The following GOLT1A variants were observed in gnomAD, a reference collection of about 807,000 sequenced individuals.
GOLT1A encodes golgi transport 1A.
Under a neutral mutation model 16.1 loss-of-function variants are expected in GOLT1A, and 10 were observed. That is an observed-to-expected ratio of 0.62 (90% CI 0.38 to 1.05). The LOEUF (loss-of-function observed/expected upper bound fraction) is 1.05, where lower values mean the gene tolerates loss of function less well. GOLT1A is among the 50% of genes least tolerant of loss of function. The probability of loss-of-function intolerance (pLI) is 0.01; values close to 1 mark genes in which losing one functional copy is unlikely to be tolerated. For synonymous variants in GOLT1A, 60 were observed against 67.9 expected (o/e 0.88, Z 0.57); for missense variants, 137 against 165.7 (o/e 0.83, Z 0.95).
At chr1:204,201,607 C>G (rs1658962195) in intron 3 of GOLT1A, 26 bp downstream of exon 3, 1 of 1,612,170 alleles carries the variant, frequency 6.2e-7, no homozygotes, top group African/African-American at 1.3e-5. Context: ...GTGGGTCTGT[C>G]CAGGGTTATA....
chr1:204,210,678 G>A (rs1369998659), intron 1 of GOLT1A, among the ~76,000 whole-genome samples: 6 of 152,092 alleles, frequency 3.9e-5, no homozygotes, highest in Admixed American at 6.6e-5. Flanking sequence ...GGCCTCAAGC[G>A]ATCCTCCCAA....
At chr1:204,202,796 T>C in intron 2 of GOLT1A, 100 bp downstream of exon 2, 2 of 860,084 alleles carry the variant, frequency 2.3e-6, no homozygotes, top group Non-Finnish European at 3.9e-6. Flanking sequence ...ATTTAAAGAC[T>C]TAAATAAACT....
chr1:204,208,377 CACATATACACACATAT>C (rs1659078839), intron 1 of GOLT1A, among the ~76,000 whole-genome samples: 1 of 104,676 alleles, frequency 9.6e-6, no homozygotes, highest in Admixed American at 8.9e-5. Flanking sequence ...TGTATCTATA[CACATATACACACATAT>C]GTATACATAT....
intron 1 of GOLT1A, among the ~76,000 whole-genome samples, chr1:204,203,993 G>A (rs903000250): frequency 1.3e-5 from 2 of 152,128 alleles, no homozygotes; most frequent in Non-Finnish European, 2.9e-5. Context: ...ACATATTTCA[G>A]ATCGCTCCCC....
intron 3 of GOLT1A, among the ~76,000 whole-genome samples, chr1:204,200,299 G>GTATACATATA (rs1553233959): frequency 2.4e-5 from 2 of 82,684 alleles, no homozygotes; most frequent in Non-Finnish European, 4.7e-5. Context: ...ACATATATGT[G>GTATACATATA]TATATATATA....
At chr1:204,203,060 G>T in intron 1 of GOLT1A, 73 bp from the exon 2 acceptor site, 1 of 1,154,736 alleles carries the variant, frequency 8.7e-7, no homozygotes, top group Non-Finnish European at 1.3e-6. Flanking sequence ...TTCCCCCATT[G>T]CCACAGGACA....
chr1:204,201,550 G>C, intron 3 of GOLT1A, 83 bp downstream of exon 3: 1 of 1,404,478 alleles, frequency 7.1e-7, no homozygotes, highest in South Asian at 1.3e-5. Flanking sequence ...TAAAGTCCCA[G>C]CTTCTGCACT....
At chr1:204,199,031 C>CG (rs1441698768) in intron 4 of GOLT1A, 164 bp downstream of exon 4, 1 of 619,364 alleles carries the variant, frequency 1.6e-6, no homozygotes. Flanking sequence ...GGAGAAGGTG[C>CG]GGGGGGAAGA....
intron 1 of GOLT1A, among the ~76,000 whole-genome samples, chr1:204,208,794 T>C (rs1659094530): frequency 6.6e-6 from 1 of 151,694 alleles, no homozygotes; most frequent in Admixed American, 6.6e-5. Context: ...ATCTCAGAAA[T>C]CACACTAAAG....
chr1:204,198,377 A>C lies in GOLT1A; in HGVS notation c.*81T>G. The C allele has an allele frequency of 1.6e-6, 2 of 1,288,222 alleles. No individual in the cohort carries two copies. The highest frequency in any genetic ancestry group is 3.4e-5 in the Admixed American group (2 of 58,190). The allele number at this position is 1,288,222 out of a possible 1,614,324, so 79.8% of individuals were successfully genotyped here. On this transcript the variant is annotated 3_prime_UTR_variant, in exon 5 of 5. Transcript: ENST00000308302. ...GATATGTCGGGGAGTGAGTCAGTGC[A>C]GGGGACTGAGGGGGTGGTTCCCATT...
At chr1:204,199,826 C>T (rs1320466978) in intron 3 of GOLT1A, among the ~76,000 whole-genome samples, 1 of 152,206 alleles carries the variant, frequency 6.6e-6, no homozygotes, top group Non-Finnish European at 1.5e-5. Context: ...CCTGCCAAGG[C>T]CTGACTGCAG....
intron 1 of GOLT1A, among the ~76,000 whole-genome samples, chr1:204,205,763 A>G (rs1481719424): frequency 6.6e-6 from 1 of 152,218 alleles, no homozygotes; most frequent in East Asian, 1.9e-4. Flanking sequence ...TCTTTAAAAG[A>G]ATCATCAAAA....
At chr1:204,203,790 A>C (rs969001394) in intron 1 of GOLT1A, among the ~76,000 whole-genome samples, 2 of 147,894 alleles carry the variant, frequency 1.4e-5, no homozygotes, top group African/African-American at 5.0e-5. Context: ...ATGAGCCCCC[A>C]TTCCCAAGGT....
chr1:204,203,781 T>C (rs1258991903), intron 1 of GOLT1A, among the ~76,000 whole-genome samples: 2 of 151,224 alleles, frequency 1.3e-5, no homozygotes, highest in Non-Finnish European at 1.5e-5. Context: ...ACACTGACAA[T>C]GAGCCCCCAT....
At chr1:204,213,349 C>A (rs1659167675) in intron 1 of GOLT1A, among the ~76,000 whole-genome samples, 1 of 152,058 alleles carries the variant, frequency 6.6e-6, no homozygotes, top group African/African-American at 2.4e-5. Flanking sequence ...TTAAGTAACT[C>A]ACCCAAATGA....
intron 1 of GOLT1A, among the ~76,000 whole-genome samples, chr1:204,212,789 A>G (rs555263945): frequency 6.6e-5 from 10 of 152,278 alleles, no homozygotes; most frequent in East Asian, 5.8e-4. Context: ...ACCATGGTCT[A>G]TAAGTCTCCA....
chr1:204,213,368 G>A (rs564138259), intron 1 of GOLT1A, among the ~76,000 whole-genome samples: 21 of 145,374 alleles, frequency 1.4e-4, no homozygotes, highest in African/African-American at 4.5e-4. Context: ...GAAGCCCACA[G>A]AGCCACGGTT....
chr1:204,203,990 T>G lies in GOLT1A; in HGVS notation c.26-1003A>C, dbSNP rs112809782. On this transcript the variant is annotated intron_variant, in intron 1 of 4. Coordinates refer to ENST00000308302, the MANE Select transcript of GOLT1A (RefSeq NM_198447.2). ...TTTTTGACATTTTGATAAACATATT[T>G]CAGATCGCTCCCCTCAAGACGATTT... 7.7e-3 allele frequency among the ~76,000 whole-genome samples: 1,179 copies of G among 152,288 alleles called. 17 individuals carry two copies. The highest frequency in any genetic ancestry group is 0.027 in the African/African-American group (1,133 of 41,548).
At chr1:204,209,393 C>G (rs527455287) in intron 1 of GOLT1A, among the ~76,000 whole-genome samples, 1 of 152,300 alleles carries the variant, frequency 6.6e-6, no homozygotes, top group East Asian at 1.9e-4. Flanking sequence ...GTGTGAACAC[C>G]CTTCTCACCC....
Sources: allele counts gnomAD v4.1 joint callset (sites outside exome capture counted in the v4.1 genomes callset), GRCh38; gene constraint gnomAD v4.1.1; transcripts MANE v1.5; gene names NCBI Gene and HGNC (gene_info 2026-07-23, HGNC 2026-07-21).